Variants in NAA11 observed in about 807,000 individuals in gnomAD.
NAA11 encodes N-alpha-acetyltransferase 11, NatA catalytic subunit, also known as N-alpha-acetyltransferase 11.
A neutral mutation model predicts 16.1 loss-of-function variants in NAA11; 15 were observed. The observed-to-expected ratio is 0.93, with a 90% CI of 0.62 to 1.44. The LOEUF (loss-of-function observed/expected upper bound fraction) is 1.44. Among genes scored for constraint, NAA11 ranks in the 40% most tolerant of loss-of-function variants. The pLI is 0.00. For missense variants in NAA11, 298 were observed against 291.3 expected (o/e 1.02, Z -0.17); for synonymous variants, 122 against 112.4 (o/e 1.09, Z -0.54).
chr4:79,309,714 CTTTTTTTTTTT>C (rs71662804), intron 1 of NAA11, among the ~76,000 whole-genome samples: 60 of 81,428 alleles, frequency 7.4e-4, no homozygotes, highest in African/African-American at 3.0e-3. Context: ...TTTTTTTTTT[CTTTTTTTTTTT>C]TTTTTTTTGA....
In NAA11 at chr4:79,316,976, G is replaced by GGAT. The variant is rs1261113402; in HGVS notation, c.*825_*827dup. On this transcript the variant is annotated 3_prime_UTR_variant, in exon 2 of 2. Coordinates refer to ENST00000286794, the MANE Select transcript of NAA11 (RefSeq NM_032693.3). ...TTCAGTTTCCTCATCTGTAAAACAGGGATAATACTACCTACTTTACAGGGT... is the reference window on the plus strand; with the variant it reads ...TTCAGTTTCCTCATCTGTAAAACAGGGATGATAATACTACCTACTTTACAGGGT... 4.6e-5 allele frequency: 7 copies of GGAT among 152,138 alleles called. No individual in the cohort carries two copies. The highest frequency in any genetic ancestry group is 1.7e-4 in the African/African-American group (7 of 41,516). 9.4% of individuals were successfully genotyped at this position (152,138 alleles called of 1,614,324 possible).
At chr4:79,272,460 A>G (rs1293969381) in intron 2 of NAA11, among the ~76,000 whole-genome samples, 1 of 152,110 alleles carries the variant, frequency 6.6e-6, no homozygotes, top group Non-Finnish European at 1.5e-5. Context: ...AATATGTAAT[A>G]GCTTGTTTTA....
intron 2 of NAA11, among the ~76,000 whole-genome samples, chr4:79,247,694 G>A (rs1053572751): frequency 2.0e-5 from 3 of 152,222 alleles, no homozygotes; most frequent in Non-Finnish European, 2.9e-5. Context: ...TGGGTTGAAG[G>A]GGGAGAAAGC....
chr4:79,240,630 T>C (rs1721670870), intron 2 of NAA11, among the ~76,000 whole-genome samples: 1 of 152,126 alleles, frequency 6.6e-6, no homozygotes. Context: ...CAATAATGAT[T>C]CCATTGAATG....
downstream of NAA11, chr4:79,225,615 A>G (rs1476348176): frequency 6.6e-6 from 1 of 152,098 alleles, no homozygotes; most frequent in Non-Finnish European, 1.5e-5. Flanking sequence ...TGGGTTTAAG[A>G]GAAGAAGCAA....
At position 79,326,046 on chromosome 4, in the gene NAA11, A is replaced by C. The variant is rs935942348; in HGVS notation, c.-169T>G. ...AAGGCGGAAGGAGCAGGAGATGGAA[A>C]AGATGGTGCCAAACTGCGGCTTTCA... On this transcript the variant is annotated 5_prime_UTR_variant, in exon 1 of 2. Coordinates refer to ENST00000286794, the MANE Select transcript of NAA11 (RefSeq NM_032693.3). The C allele has an allele frequency of 6.4e-6, 4 of 621,160 alleles. No homozygotes were observed. Among genetic ancestry groups the C allele is most frequent in the Middle Eastern group, 4.3e-4 (1 of 2,330 alleles). 38.5% of individuals were successfully genotyped at this position (621,160 alleles called of 1,614,324 possible).
At chr4:79,309,720 T>TC (rs1301426154) in intron 1 of NAA11, among the ~76,000 whole-genome samples, 7 of 136,676 alleles carry the variant, frequency 5.1e-5, no homozygotes, top group Admixed American at 4.4e-4. Flanking sequence ...TTTTCTTTTT[T>TC]TTTTTTTTTT....
chr4:79,244,638 C>CCCCCTCCACCTCCCCATCTCCCCTCT (rs60096999), intron 2 of NAA11: 1 of 44,336 alleles, frequency 2.3e-5, no homozygotes, highest in Non-Finnish European at 5.2e-5. Context: ...CCCTCCCCCT[C>CCCCCTCCACCTCCCCATCTCCCCTCT]CCCGTCTCCG....
chr4:79,318,347 T>C (rs1272310273), intron 1 of NAA11, among the ~76,000 whole-genome samples: 1 of 152,144 alleles, frequency 6.6e-6, no homozygotes, highest in African/African-American at 2.4e-5. Context: ...CCTAATTACA[T>C]CAGGTAAGAG....
downstream of NAA11, among the ~76,000 whole-genome samples, chr4:79,224,883 C>T (rs1390469092): frequency 6.6e-6 from 1 of 152,034 alleles, no homozygotes; most frequent in Non-Finnish European, 1.5e-5. Context: ...CAAAAAATAT[C>T]AGACAAATTG....
chr4:79,271,402 A>T (rs1722489687), intron 2 of NAA11, among the ~76,000 whole-genome samples: 1 of 151,746 alleles, frequency 6.6e-6, no homozygotes, highest in Admixed American at 6.6e-5. Flanking sequence ...ATGGAAGAAC[A>T]TTCCATGCTC....
intron 2 of NAA11, among the ~76,000 whole-genome samples, chr4:79,288,639 A>G (rs1723005981): frequency 6.6e-6 from 1 of 152,182 alleles, no homozygotes; most frequent in Admixed American, 6.5e-5. Context: ...GTGTGGATTT[A>G]TGCTTGGCTT....
At chr4:79,197,234 G>A in the NAA11 span, among the ~76,000 whole-genome samples, 4 of 151,842 alleles carry the variant, frequency 2.6e-5, no homozygotes, top group African/African-American at 9.7e-5. Flanking sequence ...TGATTACTGA[G>A]GGGTTTTTTT....
chr4:79,239,266 G>T (rs1292814932), intron 2 of NAA11, among the ~76,000 whole-genome samples: 1 of 152,178 alleles, frequency 6.6e-6, no homozygotes, highest in Non-Finnish European at 1.5e-5. Context: ...TGTTTTGGTT[G>T]TCTACTATGC....
chr4:79,300,183 T>C (rs1430703904), intron 1 of NAA11, among the ~76,000 whole-genome samples: 1 of 152,218 alleles, frequency 6.6e-6, no homozygotes, highest in Non-Finnish European at 1.5e-5. Context: ...ATGTAGGCAA[T>C]GATTTTCCTA....
chr4:79,215,765 A>G, the NAA11 span, among the ~76,000 whole-genome samples: 1 of 152,210 alleles, frequency 6.6e-6, no homozygotes, highest in Non-Finnish European at 1.5e-5. Context: ...AGGTAGTCCA[A>G]GTAGTCAAGA....
At chr4:79,207,141 A>G in the NAA11 span, among the ~76,000 whole-genome samples, 1 of 151,930 alleles carries the variant, frequency 6.6e-6, no homozygotes, top group African/African-American at 2.4e-5. Flanking sequence ...TTGTATCATC[A>G]CCAAATAGAC....
the NAA11 span, among the ~76,000 whole-genome samples, chr4:79,166,846 C>T: frequency 1.4e-5 from 2 of 147,790 alleles, no homozygotes; most frequent in Non-Finnish European, 3.0e-5. Context: ...CCAGCCTGGG[C>T]AACAGAGCAA....
chr4:79,303,076 TTATATATA>T (rs59261096), intron 1 of NAA11, among the ~76,000 whole-genome samples: 1,849 of 67,380 alleles, frequency 0.027, 29 homozygotes, highest in East Asian at 0.048. Flanking sequence ...TTGAGGCCTT[TTATATATA>T]TATATATATA....
Sources: allele counts gnomAD v4.1 joint callset (sites outside exome capture counted in the v4.1 genomes callset), GRCh38; gene constraint gnomAD v4.1.1; transcripts MANE v1.5; gene names NCBI Gene and HGNC (gene_info 2026-07-23, HGNC 2026-07-21).